ZBTB46: variants seen among roughly 807,000 people sequenced by gnomAD.
The protein encoded by ZBTB46 is zinc finger and BTB domain containing 46.
ZBTB46 carries 8 observed loss-of-function variants against 44.1 expected under a neutral mutation model. The observed-to-expected ratio is 0.18, with a 90% CI of 0.11 to 0.33. The LOEUF (loss-of-function observed/expected upper bound fraction) is 0.33, where lower values mean the gene tolerates loss of function less well. Among genes scored for constraint, ZBTB46 ranks in the 10% least tolerant of loss-of-function variants. ZBTB46 has a pLI of 1.00. For missense variants in ZBTB46, 651 were observed against 847.7 expected (o/e 0.77, Z 2.88); for synonymous variants, 409 against 382.3 (o/e 1.07, Z -0.81).
At chr20:63,782,253 G>C (rs555643432) in intron 2 of ZBTB46, among the ~76,000 whole-genome samples, 2 of 151,784 alleles carry the variant, frequency 1.3e-5, no homozygotes, top group African/African-American at 2.4e-5. Flanking sequence ...GACCTGATTC[G>C]GTTCAGGATC....
chr20:63,789,058 C>G (rs2092538757), intron 2 of ZBTB46, among the ~76,000 whole-genome samples: 1 of 151,294 alleles, frequency 6.6e-6, no homozygotes, highest in African/African-American at 2.4e-5. Context: ...CTCAGGTGAT[C>G]CACCCACCTC....
intron 3 of ZBTB46, among the ~76,000 whole-genome samples, chr20:63,771,647 C>A (rs972834510): frequency 6.6e-6 from 1 of 152,136 alleles, no homozygotes; most frequent in Non-Finnish European, 1.5e-5. Flanking sequence ...CACACCGAGG[C>A]GCCTCGGCTA....
At chr20:63,773,540 G>A (rs1601435250) in intron 3 of ZBTB46, among the ~76,000 whole-genome samples, 1 of 152,172 alleles carries the variant, frequency 6.6e-6, no homozygotes, top group Admixed American at 6.5e-5. Context: ...GTATACGACG[G>A]TCTGAGAGAT....
intron 1 of ZBTB46, among the ~76,000 whole-genome samples, chr20:63,799,782 A>G (rs1260698663): frequency 6.6e-6 from 1 of 152,178 alleles, no homozygotes; most frequent in Non-Finnish European, 1.5e-5. Context: ...AAGCTCCCCC[A>G]TGAGAGTGGC....
chr20:63,813,294 C>A lies in ZBTB46; in HGVS notation c.-34+17803G>T, dbSNP rs189729635. Among the ~76,000 whole-genome samples the A allele has an allele frequency of 3.2e-3, 479 of 150,416 alleles. 2 individuals carry two copies. The highest frequency in any genetic ancestry group is 0.011 in the African/African-American group (436 of 40,886). ...TGAAACCTCGTCTCTACTAAAAATA[C>A]AAAAATTAGCCGGGTGTGGTGGAGC... is the stretch of plus-strand genomic sequence containing the variant. On this transcript the variant is annotated intron_variant, in intron 1 of 4. Transcript: ENST00000245663.
At position 63,775,879 on chromosome 20, in the gene ZBTB46, G is replaced by T. The variant is rs1053284443; in HGVS notation, c.1021C>A (p.Leu341Ile). The T allele has an allele frequency of 6.2e-7, 1 of 1,612,624 alleles. No homozygotes were observed. Among genetic ancestry groups the T allele is most frequent in the African/African-American group, 1.3e-5 (1 of 75,064 alleles). The change falls in exon 3 of 5, where the codon CTC becomes ATC. Residue 341 changes from leucine (L) to isoleucine (I), a missense_variant. This residue lies in a region of ZBTB46 where 385 missense variants were observed against 423.3 expected (regional missense o/e 0.91). Transcript: ENST00000245663. ...AELYAQVEEG[L>I]LGGEASYLGP... ...AGATAGCTGGCTTCTCCTCCCAGGAGACCCTCCTCCACCTGTGCATAGAGC... is the reference window on the plus strand; with the variant it reads ...AGATAGCTGGCTTCTCCTCCCAGGATACCCTCCTCCACCTGTGCATAGAGC...
chr20:63,826,824 T>C (rs2092822124), intron 1 of ZBTB46, among the ~76,000 whole-genome samples: 1 of 152,134 alleles, frequency 6.6e-6, no homozygotes, highest in Non-Finnish European at 1.5e-5. Context: ...AGGTACAACG[T>C]GAAACTCAAC....
intron 1 of ZBTB46, among the ~76,000 whole-genome samples, chr20:63,811,279 G>C (rs1387764008): frequency 2.0e-5 from 3 of 152,210 alleles, no homozygotes; most frequent in African/African-American, 7.2e-5. Flanking sequence ...AGGTGGACAA[G>C]ATGCGAGCCA....
intron 1 of ZBTB46, among the ~76,000 whole-genome samples, chr20:63,808,642 G>C (rs6010660): frequency 0.18 from 27,150 of 152,076 alleles, 2,949 homozygotes; most frequent in East Asian, 0.45. Context: ...GGCCCTCCTC[G>C]GTCCAGCGCT....
intron 3 of ZBTB46, among the ~76,000 whole-genome samples, chr20:63,757,014 G>A: frequency 6.6e-6 from 1 of 152,128 alleles, no homozygotes; most frequent in Non-Finnish European, 1.5e-5. Context: ...GGGGCTTCTG[G>A]ACCACAGGGT....
intron 1 of ZBTB46, among the ~76,000 whole-genome samples, chr20:63,799,142 C>A (rs2092625172): frequency 6.6e-6 from 1 of 151,096 alleles, no homozygotes; most frequent in African/African-American, 2.4e-5. Flanking sequence ...GCAATTCTCC[C>A]ACCTCAGCCC....
At chr20:63,801,517 C>T (rs1193419040) in intron 1 of ZBTB46, among the ~76,000 whole-genome samples, 2 of 152,210 alleles carry the variant, frequency 1.3e-5, no homozygotes, top group African/African-American at 2.4e-5. Flanking sequence ...TGGCAACTTG[C>T]TGGGGTCCCC....
At chr20:63,829,992 G>A (rs1048152801) in intron 1 of ZBTB46, among the ~76,000 whole-genome samples, 5 of 152,236 alleles carry the variant, frequency 3.3e-5, no homozygotes, top group Admixed American at 1.3e-4. Context: ...TTTAAACAAT[G>A]CTGATCACAA....
intron 1 of ZBTB46, among the ~76,000 whole-genome samples, chr20:63,817,229 G>T (rs2092764359): frequency 6.6e-6 from 1 of 152,120 alleles, no homozygotes; most frequent in Non-Finnish European, 1.5e-5. Context: ...CACATAGGGA[G>T]ACCCTGTCCC....
intron 2 of ZBTB46, among the ~76,000 whole-genome samples, chr20:63,777,966 A>C (rs2092439041): frequency 6.6e-6 from 1 of 152,206 alleles, no homozygotes; most frequent in Admixed American, 6.5e-5. Flanking sequence ...TTTCATTTCC[A>C]TTAAATATCC....
rs925564153 is a variant in ZBTB46 at position 63,806,658 on chromosome 20, G to T, written c.-33-15868C>A. Among the ~76,000 whole-genome samples, 39 of 152,256 alleles carry T rather than the reference G, an allele frequency of 2.6e-4. 1 individual carries two copies. The highest frequency in any genetic ancestry group is 2.0e-3 in the Admixed American group (30 of 15,290). ...GAATCTGGCTCTGTCACCCAGGCTG[G>T]AGTGCAACGGTGCGACCTTGGCTCA... On this transcript the variant is annotated intron_variant, in intron 1 of 4. Coordinates refer to ENST00000245663, the MANE Select transcript of ZBTB46 (RefSeq NM_001369741.1).
rs768980455 is a variant in ZBTB46 at position 63,752,888 on chromosome 20, C to T, written c.1223-27G>A. On this transcript the variant is annotated intron_variant, in intron 3 of 4. Coordinates refer to ENST00000245663, the MANE Select transcript of ZBTB46 (RefSeq NM_001369741.1). The surrounding 1 kb of genome is among the most constrained non-coding windows in gnomAD (Gnocchi z 5.6). ...TGAAAGAGAGGGACCCGCGAGGCGT[C>T]AGCAGGGCTTGGGATGTACCGCCCT... The T allele has an allele frequency of 6.3e-7, 1 of 1,577,646 alleles. No individual in the cohort carries two copies. Among genetic ancestry groups the T allele is most frequent in the Non-Finnish European group, 8.6e-7 (1 of 1,156,594 alleles).
intron 3 of ZBTB46, among the ~76,000 whole-genome samples, chr20:63,769,572 C>T (rs1480670963): frequency 6.7e-6 from 1 of 149,986 alleles, no homozygotes; most frequent in Non-Finnish European, 1.5e-5. Flanking sequence ...CCCGAGGTCT[C>T]CACCCATGAC....
intron 3 of ZBTB46, among the ~76,000 whole-genome samples, chr20:63,765,120 C>A (rs28758968): frequency 6.7e-6 from 1 of 149,086 alleles, no homozygotes; most frequent in Admixed American, 6.7e-5. Flanking sequence ...TGTGTGTGTG[C>A]GTGTGTGTGT....
Sources: gnomAD v4.1 joint callset for allele counts (sites outside exome capture counted in the v4.1 genomes callset) on GRCh38, gnomAD v4.1.1 for gene constraint, gnomAD v4.1.1 regional missense constraint, Gnocchi (gnomAD v3.1) non-coding constraint, MANE v1.5 for transcripts, NCBI Gene and HGNC (gene_info 2026-07-23, HGNC 2026-07-21) for gene names.